Variants in NFATC2 observed in about 807,000 individuals in gnomAD.
NFATC2 encodes nuclear factor of activated T cells 2.
A neutral mutation model predicts 87.3 loss-of-function variants in NFATC2; 22 were observed. The ratio of observed to expected loss-of-function variants is 0.25; its 90% CI spans 0.18 to 0.36. The LOEUF is 0.36. Ranked by LOEUF, NFATC2 falls within the 10% of genes least tolerant of loss-of-function variation. The pLI is 1.00. For synonymous variants in NFATC2, 565 were observed against 542.2 expected (o/e 1.04, Z -0.58); for missense variants, 1,149 against 1,259.1 (o/e 0.91, Z 1.32).
chr20:51,457,083 A>G (rs934901141), intron 5 of NFATC2, among the ~76,000 whole-genome samples: 7 of 152,242 alleles, frequency 4.6e-5, no homozygotes, highest in African/African-American at 1.7e-4. Flanking sequence ...CTCTCCGCAG[A>G]AGCTGCTAAT....
chr20:51,527,854 C>T (rs1424523068), intron 1 of NFATC2, among the ~76,000 whole-genome samples: 4 of 152,032 alleles, frequency 2.6e-5, no homozygotes, highest in Admixed American at 2.6e-4. Context: ...GAATCCCAAC[C>T]GTTTGGGAGA....
At chr20:51,475,227 C>T (rs1988606960) in intron 4 of NFATC2, among the ~76,000 whole-genome samples, 1 of 152,120 alleles carries the variant, frequency 6.6e-6, no homozygotes, top group Non-Finnish European at 1.5e-5. Flanking sequence ...CCTCAGCCTT[C>T]CAAAGCGCTA....
rs578191715 is a variant in NFATC2 at position 51,524,544 on chromosome 20, G to A, written c.131-434C>T. Among the ~76,000 whole-genome samples, 5 of 152,174 alleles carry A rather than the reference G, an allele frequency of 3.3e-5. No homozygotes were observed. The South Asian group carries it at 6.2e-4, about 19-fold the overall frequency. Reference sequence around the variant, plus strand: ...CAACGCTGGTCACGACCCATTAGACGGATCCCCTAACCCGTCTGCGCGGTA... The same window carrying A: ...CAACGCTGGTCACGACCCATTAGACAGATCCCCTAACCCGTCTGCGCGGTA... On this transcript the variant is annotated intron_variant, in intron 1 of 10. Coordinates refer to ENST00000371564, the MANE Select transcript of NFATC2 (RefSeq NM_012340.5). The surrounding 1 kb of genome is among the most constrained non-coding windows in gnomAD (Gnocchi z 4.0).
At chr20:51,421,083 A>C (rs966406724) in intron 9 of NFATC2, among the ~76,000 whole-genome samples, 3 of 151,868 alleles carry the variant, frequency 2.0e-5, no homozygotes, top group Non-Finnish European at 4.4e-5. Flanking sequence ...TAAAAAAAAA[A>C]AAAAACAAAA....
intron 5 of NFATC2, among the ~76,000 whole-genome samples, chr20:51,461,782 T>G (rs1987180115): frequency 6.6e-6 from 1 of 152,194 alleles, no homozygotes; most frequent in African/African-American, 2.4e-5. Context: ...AGAGACTGGT[T>G]AGAGAAATTC....
chr20:51,538,651 AT>A (rs2146790144), intron 1 of NFATC2, among the ~76,000 whole-genome samples: 1 of 152,374 alleles, frequency 6.6e-6, no homozygotes, highest in South Asian at 2.1e-4. Context: ...CAATAGCTGA[AT>A]GAGTAAATAA....
At chr20:51,393,207 C>A (rs1015303133) in intron 10 of NFATC2, among the ~76,000 whole-genome samples, 1 of 152,070 alleles carries the variant, frequency 6.6e-6, no homozygotes, top group Non-Finnish European at 1.5e-5. Context: ...CTGGAGCCAG[C>A]GGGGTTAGAT....
intron 1 of NFATC2, among the ~76,000 whole-genome samples, chr20:51,530,951 A>C (rs1420042235): frequency 1.3e-5 from 2 of 152,208 alleles, no homozygotes; most frequent in South Asian, 4.1e-4. Flanking sequence ...GGAGTCTTAC[A>C]TCAATAATTA....
At chr20:51,530,901 C>G (rs2076622757) in intron 1 of NFATC2, among the ~76,000 whole-genome samples, 1 of 152,214 alleles carries the variant, frequency 6.6e-6, no homozygotes, top group South Asian at 2.1e-4. Flanking sequence ...ATTCACTCGT[C>G]TGTCTACCCT....
chr20:51,500,934 A>G (rs1039727347), intron 3 of NFATC2, among the ~76,000 whole-genome samples: 1 of 138,434 alleles, frequency 7.2e-6, no homozygotes, highest in Non-Finnish European at 1.5e-5. Flanking sequence ...TGGAGTGGGA[A>G]GTGTTTTAGA....
chr20:51,440,258 A>AAAAAAAAAAAG (rs1984152912), intron 6 of NFATC2, among the ~76,000 whole-genome samples: 5 of 141,550 alleles, frequency 3.5e-5, no homozygotes, highest in South Asian at 2.3e-4. Flanking sequence ...AAAAAAAAAA[A>AAAAAAAAAAAG]TGTTCAACAG....
intron 1 of NFATC2, among the ~76,000 whole-genome samples, chr20:51,525,623 T>A (rs1161948769): frequency 6.7e-6 from 1 of 149,054 alleles, no homozygotes; most frequent in Non-Finnish European, 1.5e-5. Flanking sequence ...GACTCCTTAC[T>A]CTGATGCCTC....
chr20:51,417,414 CCT>C (rs1980193582), intron 9 of NFATC2, among the ~76,000 whole-genome samples: 2 of 152,158 alleles, frequency 1.3e-5, no homozygotes, highest in South Asian at 4.1e-4. Flanking sequence ...CCACACCAGA[CCT>C]CTCTCTGTCC....
At chr20:51,436,486 A>C (rs1204140266) in intron 6 of NFATC2, among the ~76,000 whole-genome samples, 4 of 150,698 alleles carry the variant, frequency 2.7e-5, no homozygotes, top group African/African-American at 9.8e-5. Context: ...AGGCAGATGG[A>C]TCACTTGAGG....
At position 51,483,655 on chromosome 20, in the gene NFATC2, C is replaced by G. The variant is rs75277592; in HGVS notation, c.1333-7995G>C. On this transcript the variant is annotated intron_variant, in intron 3 of 10. Coordinates refer to ENST00000371564, the MANE Select transcript of NFATC2 (RefSeq NM_012340.5). ...CAGACACACACACAAGCAGACCAGG[C>G]ACACTTCGTCCATGACTTGACTCTC... Among the ~76,000 whole-genome samples, 694 of 145,276 alleles carry G rather than the reference C, an allele frequency of 4.8e-3. 8 individuals are homozygous for G. The highest frequency in any genetic ancestry group is 0.017 in the African/African-American group (665 of 39,512).
At chr20:51,404,795 T>G (rs1310563245) in intron 9 of NFATC2, among the ~76,000 whole-genome samples, 1 of 152,300 alleles carries the variant, frequency 6.6e-6, no homozygotes, top group African/African-American at 2.4e-5. Context: ...CGCCCTAGTG[T>G]GCGCAGACAG....
At chr20:51,518,756 A>G (rs998332711) in intron 2 of NFATC2, among the ~76,000 whole-genome samples, 6 of 152,094 alleles carry the variant, frequency 3.9e-5, no homozygotes, top group Admixed American at 2.6e-4. Context: ...ACTACTGCAA[A>G]TTTTTCACTC....
Position 51,432,649 on chromosome 20 carries a change from C to T in NFATC2, c.2140G>A (p.Val714Met). Residue 714 changes from valine to methionine, a missense_variant, in exon 9 of 11, where the codon GTG becomes ATG. Physicochemically the swap from Val to Met is conservative, Grantham distance 21. Transcript: ENST00000371564. The surrounding 1 kb of genome is among the most constrained non-coding windows in gnomAD (Gnocchi z 4.6). ...SQPYYPQHPM[V>M]AESPSCLVAT... is the part of the protein sequence containing the mutation. ...ACGAGGCAGGAGGGGGACTCGGCCA[C>T]CATCGGGTGCTGGGGGTAGTAAGGC... The T allele has an allele frequency of 6.5e-7, 1 of 1,545,914 alleles. No individual in the cohort carries two copies. Among genetic ancestry groups the T allele is most frequent in the South Asian group, 1.2e-5 (1 of 80,900 alleles).
At chr20:51,422,014 C>T (rs535573317) in intron 9 of NFATC2, among the ~76,000 whole-genome samples, 4 of 152,320 alleles carry the variant, frequency 2.6e-5, no homozygotes, top group African/African-American at 7.2e-5. Context: ...GCGTCCTCCA[C>T]GTCATCAGCT....
Sources: allele counts gnomAD v4.1 joint callset (sites outside exome capture counted in the v4.1 genomes callset), GRCh38; gene constraint gnomAD v4.1.1; non-coding constraint Gnocchi (gnomAD v3.1); transcripts MANE v1.5; gene names NCBI Gene and HGNC (gene_info 2026-07-23, HGNC 2026-07-21).